Variants in NRG3 observed in about 807,000 individuals in gnomAD.
The protein encoded by NRG3 is pro-neuregulin-3, membrane-bound isoform.
Under a neutral mutation model 66.9 loss-of-function variants are expected in NRG3, and 31 were observed. That is an observed-to-expected ratio of 0.46 (90% CI 0.35 to 0.63). NRG3 has a LOEUF of 0.63. Among genes scored for constraint, NRG3 ranks in the 20% least tolerant of loss-of-function variants. NRG3 has a pLI of 0.00. For missense variants in NRG3, 910 were observed against 878.9 expected, an observed-to-expected ratio of 1.04 and a Z score of -0.45; for synonymous variants, 393 against 359.4, an observed-to-expected ratio of 1.09 and a Z score of -1.06.
In NRG3 at chr10:82,738,632, T is replaced by G. The variant is rs1375994502; in HGVS notation, c.1009T>G (p.Ser337Ala). The change falls in exon 3 of 9, where the codon TCC becomes GCC. Residue 337 changes from serine to alanine, a missense_variant. By Grantham distance (99) the Ser-to-Ala change is moderately conservative. Coordinates refer to ENST00000372141, the MANE Select transcript of NRG3 (RefSeq NM_001010848.4). ...TGATCAATTTCTGCCGAAAACTGAT[T>G]CCATCTTATCGGATCCAAGTAGGTC... ...RCDQFLPKTD[S>A]ILSDPTDHLG... is the part of the protein sequence containing the mutation. 8 of 1,614,136 alleles carry G rather than the reference T, an allele frequency of 5.0e-6. No homozygotes were observed. Among genetic ancestry groups the G allele is most frequent in the Non-Finnish European group, 6.8e-6 (8 of 1,179,966 alleles).
At chr10:82,681,420 T>A (rs2054104046) in intron 2 of NRG3, among the ~76,000 whole-genome samples, 1 of 152,220 alleles carries the variant, frequency 6.6e-6, no homozygotes. Flanking sequence ...TTTTATAAGC[T>A]TCATAAAATT....
chr10:82,308,653 G>GT (rs1412544047), intron 1 of NRG3, among the ~76,000 whole-genome samples: 5 of 152,116 alleles, frequency 3.3e-5, no homozygotes, highest in Non-Finnish European at 5.9e-5. Context: ...TATTCCTCCT[G>GT]TTTTTTAGTT....
At chr10:82,825,884 G>A (rs1248101657) in intron 3 of NRG3, among the ~76,000 whole-genome samples, 1 of 152,086 alleles carries the variant, frequency 6.6e-6, no homozygotes, top group Non-Finnish European at 1.5e-5. Flanking sequence ...TATATTATAT[G>A]TTAATGTGCA....
At chr10:82,937,599 C>T (rs541639006) in intron 4 of NRG3, among the ~76,000 whole-genome samples, 27 of 152,180 alleles carry the variant, frequency 1.8e-4, no homozygotes, top group Non-Finnish European at 2.1e-4. Flanking sequence ...TTGGCACTGC[C>T]GGAAGGTGTA....
intron 2 of NRG3, among the ~76,000 whole-genome samples, chr10:82,401,310 TG>T (rs1470320777): frequency 6.6e-6 from 1 of 152,126 alleles, no homozygotes; most frequent in Non-Finnish European, 1.5e-5. Flanking sequence ...CACATGTATA[TG>T]GGTGTGTAGC....
chr10:82,769,840 G>A (rs1045385630), intron 3 of NRG3, among the ~76,000 whole-genome samples: 4 of 152,036 alleles, frequency 2.6e-5, no homozygotes, highest in Admixed American at 6.6e-5. Context: ...GCTCAGACAT[G>A]TATACCTAAT....
chr10:82,012,750 G>C (rs375886130), intron 1 of NRG3, among the ~76,000 whole-genome samples: 1 of 152,114 alleles, frequency 6.6e-6, no homozygotes, highest in African/African-American at 2.4e-5. Context: ...TAGGGCAGGG[G>C]CAAAATGTGA....
chr10:82,610,187 G>A (rs746885276), intron 2 of NRG3, among the ~76,000 whole-genome samples: 2 of 152,096 alleles, frequency 1.3e-5, no homozygotes, highest in African/African-American at 2.4e-5. Context: ...CCCTCCTCAC[G>A]CTTCAATCTC....
intron 1 of NRG3, among the ~76,000 whole-genome samples, chr10:82,116,292 G>A (rs1191227007): frequency 6.6e-6 from 1 of 152,018 alleles, no homozygotes. Flanking sequence ...GGGAAGGAGG[G>A]CATCTTTAAT....
At chr10:82,686,940 G>A (rs575423724) in intron 2 of NRG3, among the ~76,000 whole-genome samples, 2 of 152,324 alleles carry the variant, frequency 1.3e-5, no homozygotes, top group African/African-American at 2.4e-5. Flanking sequence ...TGAATAACGG[G>A]TTATGGGACA....
intron 3 of NRG3, among the ~76,000 whole-genome samples, chr10:82,830,910 A>G (rs1416610863): frequency 6.6e-6 from 1 of 152,186 alleles, no homozygotes; most frequent in Non-Finnish European, 1.5e-5. Flanking sequence ...CACGATTTAC[A>G]AATAGGCAGG....
chr10:82,788,372 C>T (rs2060454000), intron 3 of NRG3, among the ~76,000 whole-genome samples: 1 of 152,132 alleles, frequency 6.6e-6, no homozygotes, highest in Non-Finnish European at 1.5e-5. Context: ...GAGTTCGAGA[C>T]TAGCCTCACC....
At chr10:82,808,674 A>G (rs577823557) in intron 3 of NRG3, among the ~76,000 whole-genome samples, 1 of 152,312 alleles carries the variant, frequency 6.6e-6, no homozygotes, top group Non-Finnish European at 1.5e-5. Context: ...GATTAATAGA[A>G]TTACCCATGC....
At chr10:81,915,497 T>TTTTTTTTTTG (rs1845608880) in intron 1 of NRG3, among the ~76,000 whole-genome samples, 1 of 59,260 alleles carries the variant, frequency 1.7e-5, no homozygotes, top group South Asian at 7.3e-4. Flanking sequence ...ACTTCTTTAG[T>TTTTTTTTTTG]TTTTTTTTTT....
chr10:82,053,075 G>T (rs2063674805), intron 1 of NRG3, among the ~76,000 whole-genome samples: 2 of 150,702 alleles, frequency 1.3e-5, no homozygotes, highest in Admixed American at 6.6e-5. Flanking sequence ...AATGTTTTAG[G>T]TTACTCACCT....
At chr10:82,255,590 TA>T (rs1345631897) in intron 1 of NRG3, among the ~76,000 whole-genome samples, 10 of 151,692 alleles carry the variant, frequency 6.6e-5, no homozygotes, top group Non-Finnish European at 1.5e-4. Flanking sequence ...CTTTTTTTTT[TA>T]AAAAACAAAA....
chr10:82,154,367 AAATC>A (rs1826158973), intron 1 of NRG3, among the ~76,000 whole-genome samples: 1 of 152,000 alleles, frequency 6.6e-6, no homozygotes, highest in Non-Finnish European at 1.5e-5. Flanking sequence ...CCTTTGTCAA[AAATC>A]AATTGACTAT....
intron 1 of NRG3, among the ~76,000 whole-genome samples, chr10:82,267,114 C>G (rs1443735411): frequency 6.6e-6 from 1 of 152,178 alleles, no homozygotes; most frequent in Admixed American, 6.5e-5. Flanking sequence ...GAGCTATATT[C>G]TAGGGCTCAG....
rs147850903 is a variant in NRG3, at chr10:82,744,938, T to A, written c.1027+6288T>A. ...TTGTTGTTTCAACTGTCACCTTGAT[T>A]AGTACACAGTGTACAAGGCACTGAG... On this transcript the variant is annotated intron_variant, in intron 3 of 8. Coordinates refer to ENST00000372141, the MANE Select transcript of NRG3 (RefSeq NM_001010848.4). Among the ~76,000 whole-genome samples, 35 of 152,262 alleles carry A rather than the reference T, an allele frequency of 2.3e-4. 1 individual carries two copies. The highest frequency in any genetic ancestry group is 2.3e-3 in the Admixed American group (35 of 15,292).
Sources: gnomAD v4.1 joint callset for allele counts (sites outside exome capture counted in the v4.1 genomes callset) on GRCh38, gnomAD v4.1.1 for gene constraint, MANE v1.5 for transcripts, NCBI Gene and HGNC (gene_info 2026-07-23, HGNC 2026-07-21) for gene names.